GNA14: variants seen among roughly 807,000 people sequenced by gnomAD.
GNA14 encodes G protein subunit alpha 14, also known as guanine nucleotide-binding protein subunit alpha-14.
A neutral mutation model predicts 42.0 loss-of-function variants in GNA14; 50 were observed. The ratio of observed to expected loss-of-function variants is 1.19; its 90% CI spans 0.95 to 1.51. The LOEUF is 1.51. Among genes scored for constraint, GNA14 ranks in the 40% most tolerant of loss-of-function variants. GNA14 has a pLI of 0.00. For missense variants in GNA14, 473 were observed against 446.2 expected, an observed-to-expected ratio of 1.06 and a Z score of -0.54; for synonymous variants, 173 against 163.1, an observed-to-expected ratio of 1.06 and a Z score of -0.46.
intron 2 of GNA14, among the ~76,000 whole-genome samples, chr9:77,440,877 G>A (rs1302745583): frequency 4.6e-5 from 7 of 152,018 alleles, no homozygotes; most frequent in Admixed American, 6.5e-5. Context: ...CACCATGCCC[G>A]GCTAATTTTT....
intron 2 of GNA14, among the ~76,000 whole-genome samples, chr9:77,466,889 T>TC (rs769228449): frequency 5.9e-5 from 9 of 152,058 alleles, no homozygotes; most frequent in Non-Finnish European, 1.3e-4. Flanking sequence ...TGGGTGTTTC[T>TC]CCCCTTCACT....
intron 1 of GNA14, among the ~76,000 whole-genome samples, chr9:77,623,633 G>T (rs973972380): frequency 6.6e-6 from 1 of 152,142 alleles, no homozygotes; most frequent in Non-Finnish European, 1.5e-5. Context: ...GCCAAAGCAG[G>T]GTGGGGCGTT....
chr9:77,566,352 G>A (rs753139215), intron 1 of GNA14, among the ~76,000 whole-genome samples: 4 of 151,512 alleles, frequency 2.6e-5, no homozygotes, highest in Admixed American at 6.6e-5. Context: ...ACAGGGTCTC[G>A]CCATGTTGGT....
At chr9:77,604,309 C>G (rs1025012265) in intron 1 of GNA14, among the ~76,000 whole-genome samples, 3 of 152,104 alleles carry the variant, frequency 2.0e-5, no homozygotes, top group Admixed American at 6.6e-5. Flanking sequence ...ATCAACTATC[C>G]GGTAGAGATA....
At chr9:77,561,770 G>A (rs185578048) in intron 1 of GNA14, among the ~76,000 whole-genome samples, 1 of 152,200 alleles carries the variant, frequency 6.6e-6, no homozygotes, top group South Asian at 2.1e-4. Context: ...AAATGGCTAA[G>A]AGGGTAAATT....
intron 1 of GNA14, among the ~76,000 whole-genome samples, chr9:77,645,384 G>A (rs1404070319): frequency 2.6e-5 from 4 of 152,234 alleles, no homozygotes; most frequent in Admixed American, 2.6e-4. Context: ...TCCTTGAGAA[G>A]AAATGGAGCT....
At chr9:77,432,874 G>A (rs909639257) in intron 3 of GNA14, among the ~76,000 whole-genome samples, 2 of 152,186 alleles carry the variant, frequency 1.3e-5, no homozygotes, top group African/African-American at 4.8e-5. Flanking sequence ...GCTCAGGAAC[G>A]TCGTACCTGT....
chr9:77,642,898 GGA>G (rs1394991509), intron 1 of GNA14, among the ~76,000 whole-genome samples: 1 of 152,174 alleles, frequency 6.6e-6, no homozygotes, highest in Admixed American at 6.5e-5. Flanking sequence ...TAGATGGTGA[GGA>G]GAGTTTGTGC....
intron 1 of GNA14, among the ~76,000 whole-genome samples, chr9:77,622,762 C>T (rs1221908684): frequency 6.9e-6 from 1 of 145,536 alleles, no homozygotes; most frequent in Non-Finnish European, 1.5e-5. Flanking sequence ...GGCGTGGTGG[C>T]GGGTGCCTGT....
chr9:77,473,833 T>C (rs545583222), intron 2 of GNA14, among the ~76,000 whole-genome samples: 234 of 152,260 alleles, frequency 1.5e-3, no homozygotes, highest in Admixed American at 4.4e-3. Flanking sequence ...GATAATGGAA[T>C]TGAGAGTCCA....
rs1193547173 is a variant in GNA14, at chr9:77,648,206, A to G, written c.-413T>C. ...GGGGAGAGTAGGATCTCCTGGGCCT[A>G]GGGGTGTCCCCAGGCGGGAGGTAGG... On this transcript the variant is annotated 5_prime_UTR_variant, in exon 1 of 7. Coordinates refer to ENST00000341700, the MANE Select transcript of GNA14 (RefSeq NM_004297.4). 4.1e-6 allele frequency: 1 copy of G among 245,760 alleles called. No homozygotes were observed. The highest frequency in any genetic ancestry group is 7.9e-6 in the Non-Finnish European group (1 of 127,230). 15.2% of individuals were successfully genotyped at this position (245,760 alleles called of 1,614,324 possible).
At chr9:77,553,305 G>A (rs550985653) in intron 1 of GNA14, among the ~76,000 whole-genome samples, 25 of 152,214 alleles carry the variant, frequency 1.6e-4, no homozygotes, top group African/African-American at 6.0e-4. Context: ...ACCATGTGTG[G>A]CAGGCACTAC....
At chr9:77,557,473 A>G (rs1822803069) in intron 1 of GNA14, among the ~76,000 whole-genome samples, 1 of 152,230 alleles carries the variant, frequency 6.6e-6, no homozygotes, top group Non-Finnish European at 1.5e-5. Flanking sequence ...GTGCACTCTC[A>G]TTCTGATTAC....
intron 4 of GNA14, among the ~76,000 whole-genome samples, chr9:77,430,887 A>G (rs1406728193): frequency 1.3e-5 from 2 of 152,120 alleles, no homozygotes; most frequent in Admixed American, 1.3e-4. Flanking sequence ...CAGTTTTCAT[A>G]CACATTTTTT....
intron 2 of GNA14, among the ~76,000 whole-genome samples, chr9:77,501,507 C>T (rs555680448): frequency 2.0e-5 from 3 of 152,104 alleles, no homozygotes; most frequent in East Asian, 1.9e-4. Flanking sequence ...TCTTCTTCAC[C>T]GAAATGCCTC....
At chr9:77,438,014 C>T (rs1313083697) in intron 2 of GNA14, among the ~76,000 whole-genome samples, 1 of 152,144 alleles carries the variant, frequency 6.6e-6, no homozygotes, top group African/African-American at 2.4e-5. Flanking sequence ...GGAAAGCAAG[C>T]TTCTACATGA....
chr9:77,453,095 G>A (rs934083095), intron 2 of GNA14, among the ~76,000 whole-genome samples: 3 of 152,168 alleles, frequency 2.0e-5, no homozygotes, highest in African/African-American at 4.8e-5. Context: ...AGCCATGATT[G>A]CACCACTGCA....
intron 1 of GNA14, among the ~76,000 whole-genome samples, chr9:77,631,900 C>G (rs573917990): frequency 6.6e-6 from 1 of 152,286 alleles, no homozygotes; most frequent in South Asian, 2.1e-4. Context: ...CAGGCACAAG[C>G]AGGATCCTCG....
intron 1 of GNA14, among the ~76,000 whole-genome samples, chr9:77,608,087 C>T (rs563578020): frequency 6.6e-6 from 1 of 152,204 alleles, no homozygotes; most frequent in African/African-American, 2.4e-5. Context: ...CAAGACGGCC[C>T]CAGAGCCAAG....
Sources: gnomAD v4.1 joint callset for allele counts (sites outside exome capture counted in the v4.1 genomes callset) on GRCh38, gnomAD v4.1.1 for gene constraint, MANE v1.5 for transcripts, NCBI Gene and HGNC (gene_info 2026-07-23, HGNC 2026-07-21) for gene names.